Variants in TRPV3 observed in about 807,000 individuals in gnomAD.
TRPV3 encodes VRL-3.
Under a neutral mutation model 87.1 loss-of-function variants are expected in TRPV3, and 88 were observed. That is an observed-to-expected ratio of 1.01 (90% CI 0.85 to 1.21). The LOEUF (loss-of-function observed/expected upper bound fraction) is 1.21. Among genes scored for constraint, TRPV3 ranks in the 50% most tolerant of loss-of-function variants. The probability of loss-of-function intolerance (pLI) is 0.00; values close to 1 mark genes in which losing one functional copy is unlikely to be tolerated. For synonymous variants in TRPV3, 438 were observed against 423.3 expected (o/e 1.03, Z -0.43); for missense variants, 1,054 against 1,030.1 (o/e 1.02, Z -0.32).
Position 3,524,365 on chromosome 17 carries a change from T to C in TRPV3, c.1578-2A>G. 1 of 1,614,092 alleles carries C rather than the reference T, an allele frequency of 6.2e-7. No homozygotes were observed. The highest frequency in any genetic ancestry group is 8.5e-7 in the Non-Finnish European group (1 of 1,179,974). On this transcript the variant is annotated splice_acceptor_variant, in intron 12 of 17. Coordinates refer to ENST00000576742, the MANE Select transcript of TRPV3 (RefSeq NM_145068.4). LOFTEE classifies it high-confidence loss of function. Reference sequence around the variant, plus strand: ...ATCACAAGCACAGCTTGGATAAAACTGTTCAGGAGACACAGGAGACACGGG... The same window carrying C: ...ATCACAAGCACAGCTTGGATAAAACCGTTCAGGAGACACAGGAGACACGGG...
chr17:3,543,598 C>G lies in TRPV3; in HGVS notation c.342G>C (p.Arg114Ser). 1 of 1,614,160 alleles carries G rather than the reference C, an allele frequency of 6.2e-7. No individual in the cohort carries two copies. The highest frequency in any genetic ancestry group is 8.5e-7 in the Non-Finnish European group (1 of 1,180,026). ...SAQLAKEEQR[R>S]KKRRLKKRIF... ...TGCGCTTCTTCAGCCGCCTCTTTTT[C>G]CTCCTCTGCTCTTCCTTGGCCAGCT... Residue 114 changes from arginine to serine, a missense_variant, in exon 5 of 18, where the codon AGG becomes AGC. Physicochemically the swap from Arg to Ser is moderately radical, Grantham distance 110. Transcript: ENST00000576742.
chr17:3,518,339 G>A lies in TRPV3; in HGVS notation c.2085+237C>T, dbSNP rs1332060418. On this transcript the variant is annotated intron_variant, in intron 15 of 17. Coordinates refer to ENST00000576742, the MANE Select transcript of TRPV3 (RefSeq NM_145068.4). This position sits in a 1 kb window ranked among gnomAD's most constrained non-coding sequence, Gnocchi z 4.3. ...CCACACATCACACTGTCAACCCTGA[G>A]CAGAGCACCCCCATGAGCCTGAGTT... 6.6e-6 allele frequency among the ~76,000 whole-genome samples: 1 copy of A among 152,184 alleles called. No individual in the cohort carries two copies. The highest frequency in any genetic ancestry group is 1.5e-5 in the Non-Finnish European group (1 of 68,030).
intron 6 of TRPV3, among the ~76,000 whole-genome samples, chr17:3,538,437 C>CA (rs1157337439): frequency 0.014 from 1,068 of 74,444 alleles, 3 homozygotes; most frequent in Middle Eastern, 0.036. Flanking sequence ...TGGAAAAGAA[C>CA]AAAAAAAAAA....
At chr17:3,522,886 C>G (rs2150783900) in intron 13 of TRPV3, among the ~76,000 whole-genome samples, 1 of 149,318 alleles carries the variant, frequency 6.7e-6, no homozygotes, top group East Asian at 2.0e-4. Context: ...TTACAATAAA[C>G]TGTATTGTAT....
intron 2 of TRPV3, among the ~76,000 whole-genome samples, chr17:3,549,923 G>T (rs1336867287): frequency 6.6e-6 from 1 of 151,370 alleles, no homozygotes; most frequent in Non-Finnish European, 1.5e-5. Flanking sequence ...GTGGATGGTT[G>T]ATGGATGGAT....
intron 12 of TRPV3, among the ~76,000 whole-genome samples, chr17:3,525,770 C>T (rs907768301): frequency 2.0e-5 from 3 of 151,958 alleles, no homozygotes; most frequent in Non-Finnish European, 2.9e-5. Flanking sequence ...CAGGTGCATG[C>T]CACCACACAC....
At chr17:3,522,679 G>C (rs953125042) in intron 13 of TRPV3, among the ~76,000 whole-genome samples, 7 of 151,538 alleles carry the variant, frequency 4.6e-5, no homozygotes, top group Admixed American at 1.3e-4. Flanking sequence ...AATTAGCTGG[G>C]CATGGTGCAT....
intron 12 of TRPV3, among the ~76,000 whole-genome samples, chr17:3,525,232 C>T (rs188128788): frequency 6.8e-4 from 103 of 152,310 alleles, no homozygotes; most frequent in East Asian, 2.7e-3. Context: ...GTTGGCCAGG[C>T]TGGTCTCGAA....
Position 3,519,083 on chromosome 17 carries a change from C to G in TRPV3, c.1811-233G>C, listed in dbSNP as rs541368733. On this transcript the variant is annotated intron_variant, in intron 14 of 17. Coordinates refer to ENST00000576742, the MANE Select transcript of TRPV3 (RefSeq NM_145068.4). Reference sequence around the variant, plus strand: ...CAGAGTCTTCTCTCCTTCCTTTACCCCGCAGTCTGCCCTTGATCACTTGCA... The same window carrying G: ...CAGAGTCTTCTCTCCTTCCTTTACCGCGCAGTCTGCCCTTGATCACTTGCA... Among the ~76,000 whole-genome samples, 14 of 152,334 alleles carry G rather than the reference C, an allele frequency of 9.2e-5. No individual in the cohort carries two copies. The South Asian group carries it at 2.7e-3, about 29-fold the overall frequency.
chr17:3,550,077 GATA>G (rs905239283), intron 2 of TRPV3, among the ~76,000 whole-genome samples: 37 of 152,238 alleles, frequency 2.4e-4, no homozygotes, highest in African/African-American at 8.7e-4. Flanking sequence ...TGGATGGATG[GATA>G]ATAAGTAATT....
chr17:3,514,702 TCA>T (rs1567627852), intron 16 of TRPV3, 30 bp from the exon 17 acceptor site: 11 of 1,554,526 alleles, frequency 7.1e-6, no homozygotes, highest in Non-Finnish European at 9.8e-6. Flanking sequence ...TCTTACTATT[TCA>T]CCAGTGCCTC....
At chr17:3,525,277 C>T (rs2074289116) in intron 12 of TRPV3, among the ~76,000 whole-genome samples, 1 of 152,206 alleles carries the variant, frequency 6.6e-6, no homozygotes, top group Non-Finnish European at 1.5e-5. Flanking sequence ...ACCTCGGCCT[C>T]CCAAAGTGCT....
At chr17:3,549,334 A>G (rs555849613) in intron 2 of TRPV3, among the ~76,000 whole-genome samples, 32 of 152,340 alleles carry the variant, frequency 2.1e-4, no homozygotes, top group African/African-American at 7.2e-4. Context: ...CAAAATTTCC[A>G]TCCCTTCCAG....
chr17:3,547,037 C>T (rs934777377), intron 2 of TRPV3, among the ~76,000 whole-genome samples: 1 of 151,744 alleles, frequency 6.6e-6, no homozygotes, highest in African/African-American at 2.4e-5. Context: ...CGGGTCTCTA[C>T]TGCGGGTGGC....
At chr17:3,521,984 G>A (rs1310645385) in intron 13 of TRPV3, among the ~76,000 whole-genome samples, 2 of 152,176 alleles carry the variant, frequency 1.3e-5, no homozygotes, top group Non-Finnish European at 2.9e-5. Context: ...GCTGAGGCGG[G>A]AGAATTGCTT....
At chr17:3,515,365 A>C (rs2074169222) in intron 16 of TRPV3, among the ~76,000 whole-genome samples, 1 of 152,132 alleles carries the variant, frequency 6.6e-6, no homozygotes, top group Admixed American at 6.5e-5. Flanking sequence ...GCTTATCAGA[A>C]AAGGTGTTCA....
chr17:3,519,889 ATTGG>A (rs2074229088), intron 14 of TRPV3, among the ~76,000 whole-genome samples: 1 of 34,412 alleles, frequency 2.9e-5, no homozygotes, highest in Non-Finnish European at 6.4e-5. Flanking sequence ...TGGATGGATG[ATTGG>A]ATGGATGATT....
At chr17:3,536,634 G>C (rs2074411959) in intron 6 of TRPV3, among the ~76,000 whole-genome samples, 1 of 152,128 alleles carries the variant, frequency 6.6e-6, no homozygotes, top group Non-Finnish European at 1.5e-5. Flanking sequence ...CTGGACTAAG[G>C]GGAGTTGGAG....
intron 3 of TRPV3, 32 bp from the exon 4 acceptor site, chr17:3,544,697 T>C (rs1200331036): frequency 2.0e-6 from 3 of 1,517,430 alleles, no homozygotes; most frequent in African/African-American, 1.4e-5. Flanking sequence ...ACAGAGAGGG[T>C]TTTAAAGTTT....
Sources: gnomAD v4.1 joint callset for allele counts (sites outside exome capture counted in the v4.1 genomes callset) on GRCh38, gnomAD v4.1.1 for gene constraint, Gnocchi (gnomAD v3.1) non-coding constraint, MANE v1.5 for transcripts, NCBI Gene and HGNC (gene_info 2026-07-23, HGNC 2026-07-21) for gene names.